Variants in ZNF385C observed in about 807,000 individuals in gnomAD.
ZNF385C encodes CTD-2132N18.2.
Under a neutral mutation model 35.4 loss-of-function variants are expected in ZNF385C, and 28 were observed. The observed-to-expected ratio is 0.79, with a 90% CI of 0.59 to 1.08. ZNF385C has a LOEUF of 1.08. Ranked by LOEUF, ZNF385C falls within the 50% of genes least tolerant of loss-of-function variation. ZNF385C has a pLI of 0.00. For synonymous variants in ZNF385C, 248 were observed against 248.2 expected, an observed-to-expected ratio of 1.00 and a Z score of 0.01; for missense variants, 605 against 595.6, an observed-to-expected ratio of 1.02 and a Z score of -0.16.
intron 2 of ZNF385C, among the ~76,000 whole-genome samples, chr17:42,048,761 G>A (rs952689400): frequency 6.6e-6 from 1 of 151,840 alleles, no homozygotes; most frequent in Non-Finnish European, 1.5e-5. Flanking sequence ...ACTGCCTGGC[G>A]GCCTTGTCCA....
chr17:42,062,942 G>T lies in ZNF385C; in HGVS notation c.115C>A (p.Arg39=). Residue 39 remains arginine (R), a synonymous_variant, in exon 2 of 9, where the codon CGG becomes AGG. Coordinates refer to ENST00000692273, the MANE Select transcript of ZNF385C (RefSeq NM_001392013.1). Reference sequence around the variant, plus strand: ...ACATCACAGAGCGTGTACGATGGCCGCTTTCTTTCTCGCTTGGGCTTAGGT... The same window carrying T: ...ACATCACAGAGCGTGTACGATGGCCTCTTTCTTTCTCGCTTGGGCTTAGGT... ...EPPKPKRERK[R]PSYTLCDVCN... The T allele has an allele frequency of 1.4e-6, 1 of 696,250 alleles. No individual in the cohort carries two copies. The highest frequency in any genetic ancestry group is 2.6e-6 in the Non-Finnish European group (1 of 381,828). 43.1% of individuals were successfully genotyped at this position (696,250 alleles called of 1,614,324 possible).
chr17:42,089,440 C>T (rs1034040999), intron 1 of ZNF385C, among the ~76,000 whole-genome samples: 2 of 152,162 alleles, frequency 1.3e-5, no homozygotes, highest in Non-Finnish European at 2.9e-5. Context: ...CTGGAAGATC[C>T]GGGCCTTTCC....
chr17:42,074,090 T>G (rs988206466), intron 1 of ZNF385C, among the ~76,000 whole-genome samples: 6 of 152,202 alleles, frequency 3.9e-5, no homozygotes, highest in African/African-American at 4.8e-5. Flanking sequence ...CAGGAGCCCC[T>G]TTCCCCAGCT....
chr17:42,027,886 A>T (rs530693699), intron 7 of ZNF385C, 158 bp from the exon 8 acceptor site: 1 of 1,184,050 alleles, frequency 8.4e-7, no homozygotes, highest in African/African-American at 1.5e-5. Flanking sequence ...AGGGGAGGTG[A>T]GTCTTGGCCT....
intron 2 of ZNF385C, among the ~76,000 whole-genome samples, chr17:42,051,907 G>A (rs1298948932): frequency 6.6e-6 from 1 of 152,148 alleles, no homozygotes; most frequent in East Asian, 1.9e-4. Context: ...GGGATGGAGC[G>A]CGAATCACAT....
rs540075849 is a variant in ZNF385C, at chr17:42,027,626, T to C, written c.1267A>G (p.Ile423Val). ...LQKHAALAVS[I>V]LKSKLALQKQ... The stretch of plus-strand genomic sequence containing the variant: ...TGCCTGGAGACAGATACCTTGAGGA[T>C]ACTCACAGCCAGCGCTGCGTGCTTC... Residue 423 changes from isoleucine (I) to valine (V), a missense_variant, in exon 8 of 9, where the codon ATC (isoleucine) becomes GTC (valine). Coordinates refer to ENST00000692273, the MANE Select transcript of ZNF385C (RefSeq NM_001392013.1). 3.9e-5 allele frequency: 60 copies of C among 1,541,032 alleles called. No homozygotes were observed. The South Asian group carries it at 5.3e-4, about 14-fold the overall frequency.
chr17:42,068,275 G>T (rs1342973540), intron 1 of ZNF385C, among the ~76,000 whole-genome samples: 2 of 152,176 alleles, frequency 1.3e-5, no homozygotes, highest in Non-Finnish European at 2.9e-5. Flanking sequence ...ACGCTAGCAG[G>T]ACCTACACTT....
rs1311031310 is a variant in ZNF385C at position 42,026,698 on chromosome 17, C to T, written c.*199G>A. 10 of 628,666 alleles carry T rather than the reference C, an allele frequency of 1.6e-5. No homozygotes were observed. Among genetic ancestry groups the T allele is most frequent in the East Asian group, 2.8e-5 (1 of 36,138 alleles). 38.9% of individuals were successfully genotyped at this position (628,666 alleles called of 1,614,324 possible). A position where few individuals can be genotyped will look rare whatever the true frequency, so the allele number is the denominator to read the frequency against. ...AAATGCAGGCAAGCCTAGGATTAAC[C>T]CTGGAAGGCCTGCGAAAGGAGGGTG... On this transcript the variant is annotated 3_prime_UTR_variant, in exon 9 of 9. Transcript: ENST00000692273.
intron 1 of ZNF385C, among the ~76,000 whole-genome samples, chr17:42,081,396 T>A (rs1317391284): frequency 6.6e-6 from 1 of 152,036 alleles, no homozygotes; most frequent in African/African-American, 2.4e-5. Flanking sequence ...CCAGGGATTT[T>A]ATTTTTTTGA....
intron 2 of ZNF385C, among the ~76,000 whole-genome samples, chr17:42,044,140 T>TTA (rs782534931): frequency 1.2e-5 from 1 of 83,596 alleles, no homozygotes; most frequent in Non-Finnish European, 2.2e-5. Flanking sequence ...ACCCCATCTC[T>TTA]AAAAAAAAAA....
At chr17:42,033,696 T>C (rs1006537364) in intron 4 of ZNF385C, among the ~76,000 whole-genome samples, 1 of 152,134 alleles carries the variant, frequency 6.6e-6, no homozygotes, top group Non-Finnish European at 1.5e-5. Flanking sequence ...GAGGCTGCAG[T>C]GAGCCAAGAT....
intron 1 of ZNF385C, among the ~76,000 whole-genome samples, chr17:42,093,935 C>T (rs891179038): frequency 2.0e-5 from 3 of 151,366 alleles, no homozygotes; most frequent in African/African-American, 7.3e-5. Context: ...CCTTGCCTGG[C>T]AGTGGAGGAG....
intron 8 of ZNF385C, 60 bp downstream of exon 8, chr17:42,027,558 T>TAC: frequency 1.5e-5 from 3 of 204,816 alleles, no homozygotes; most frequent in African/African-American, 5.2e-5. Context: ...CATCTGGCCC[T>TAC]CCCAGCCCAC....
chr17:42,038,645 T>A (rs183423689), intron 2 of ZNF385C: 3 of 152,560 alleles, frequency 2.0e-5, no homozygotes. Context: ...TGGGGCTTTT[T>A]TCGACCCTGT....
intron 1 of ZNF385C, among the ~76,000 whole-genome samples, chr17:42,094,529 A>G (rs1555660837): frequency 1.3e-5 from 2 of 152,182 alleles, no homozygotes; most frequent in Non-Finnish European, 1.5e-5. Context: ...AGACATAGAA[A>G]GACTCACAGA....
Position 42,026,630 on chromosome 17 carries a change from G to A in ZNF385C, c.*267C>T. 1.9e-6 allele frequency: 1 copy of A among 528,848 alleles called. No homozygotes were observed. The highest frequency in any genetic ancestry group is 3.3e-5 in the Admixed American group (1 of 30,120). 32.8% of individuals were successfully genotyped at this position (528,848 alleles called of 1,614,324 possible). A position where few individuals can be genotyped will look rare whatever the true frequency, so the allele number is the denominator to read the frequency against. On this transcript the variant is annotated 3_prime_UTR_variant, in exon 9 of 9. Coordinates refer to ENST00000692273, the MANE Select transcript of ZNF385C (RefSeq NM_001392013.1). The stretch of plus-strand genomic sequence containing the variant: ...GGAAAGTGAGAGCACCACATGGCTG[G>A]GGCTGAGATTTTGCATAGATCTTTG...
At chr17:42,041,003 C>T in intron 2 of ZNF385C, 2 of 1,232,326 alleles carry the variant, frequency 1.6e-6, no homozygotes, top group Non-Finnish European at 2.0e-6. Context: ...GCCTCGCCCT[C>T]CTGTAGCTCC....
At chr17:42,075,329 A>G (rs1467038423) in intron 1 of ZNF385C, among the ~76,000 whole-genome samples, 1 of 151,768 alleles carries the variant, frequency 6.6e-6, no homozygotes, top group Non-Finnish European at 1.5e-5. Flanking sequence ...ACCCAACTAT[A>G]CTGAGCGCTC....
chr17:42,044,140 T>TAA (rs35206698), intron 2 of ZNF385C, among the ~76,000 whole-genome samples: 58,681 of 83,252 alleles, frequency 0.7, 22,278 homozygotes, highest in Non-Finnish European at 0.83. Context: ...ACCCCATCTC[T>TAA]AAAAAAAAAA....
Sources: allele counts gnomAD v4.1 joint callset (sites outside exome capture counted in the v4.1 genomes callset), GRCh38; gene constraint gnomAD v4.1.1; transcripts MANE v1.5; gene names NCBI Gene and HGNC (gene_info 2026-07-23, HGNC 2026-07-21).